ZNF646: variants seen among roughly 807,000 people sequenced by gnomAD.
ZNF646 encodes zinc finger protein 646.
ZNF646 carries 49 observed loss-of-function variants against 115.4 expected under a neutral mutation model. That is an observed-to-expected ratio of 0.42 (90% CI 0.34 to 0.54). ZNF646 has a LOEUF of 0.54. Among genes scored for constraint, ZNF646 ranks in the 20% least tolerant of loss-of-function variants. The pLI is 0.04. For synonymous variants in ZNF646, 933 were observed against 939.0 expected (o/e 0.99, Z 0.12); for missense variants, 2,269 against 2,457.9 (o/e 0.92, Z 1.62).
In ZNF646 at chr16:31,077,563, G is replaced by A. The variant is rs751786589; in HGVS notation, c.1239G>A (p.Ala413=). The change falls in exon 2 of 3, where the codon GCG becomes GCA. Residue 413 remains alanine, a synonymous_variant. Transcript: ENST00000300850. ...CSLCSKQLFN[A]AALKNHVRAH... The stretch of plus-strand genomic sequence containing the variant: ...TCTGTTCTAAGCAGCTGTTCAATGC[G>A]GCTGCCCTCAAAAACCATGTGCGGG... 1.4e-5 allele frequency: 22 copies of A among 1,613,048 alleles called. 1 individual carries two copies. The highest frequency in any genetic ancestry group is 5.5e-5 in the South Asian group (5 of 91,020).
Position 31,083,514 on chromosome 16 carries a change from G to C in ZNF646, c.*422G>C. The C allele has an allele frequency of 7.5e-7, 1 of 1,340,896 alleles. No individual in the cohort carries two copies. The highest frequency in any genetic ancestry group is 9.6e-7 in the Non-Finnish European group (1 of 1,042,656). 83.1% of individuals were successfully genotyped at this position (1,340,896 alleles called of 1,614,324 possible). On this transcript the variant is annotated 3_prime_UTR_variant, in exon 3 of 3. Transcript: ENST00000300850. ...CAAAAAAAGAAATTTTCAAAACAAC[G>C]TGGCTGGCGTGATTGTATCTGAAAG...
Position 31,077,032 on chromosome 16 carries a change from G to T in ZNF646, c.708G>T (p.Glu236Asp). ...CCCAGTCCCCTCCTGCTGAGGAGGA[G>T]CGGCGGTACAAATGTAGTCAGTGTG... ...EPTQSPPAEEERRYKCSQCGK... is the reference protein window; with the variant it reads ...EPTQSPPAEEDRRYKCSQCGK... Residue 236 changes from glutamate to aspartate, a missense_variant, in exon 2 of 3, where the codon GAG (glutamate) becomes GAT (aspartate). Glu to Asp is a conservative substitution (Grantham distance 45). Coordinates refer to ENST00000300850, the MANE Select transcript of ZNF646 (RefSeq NM_014699.4). 1 of 1,613,954 alleles carries T rather than the reference G, an allele frequency of 6.2e-7. No individual in the cohort carries two copies. The highest frequency in any genetic ancestry group is 8.5e-7 in the Non-Finnish European group (1 of 1,179,928).
rs2057135992 is a variant in ZNF646, at chr16:31,080,179, G to T, written c.3855G>T (p.Gly1285=). Residue 1285 remains glycine, a synonymous_variant, in exon 2 of 3, where the codon GGG becomes GGT. Transcript: ENST00000300850. ...AGCGGGTCCACATGGAACGGCGTGG[G>T]GGTGGGGGCACCCGAAAGGCGACTC... ...SHQRVHMERR[G]GGGTRKATRE... The T allele has an allele frequency of 1.2e-6, 2 of 1,610,274 alleles. No individual in the cohort carries two copies. The highest frequency in any genetic ancestry group is 1.7e-6 in the Non-Finnish European group (2 of 1,178,080).
At position 31,079,044 on chromosome 16, in the gene ZNF646, C is replaced by G. The variant is rs759337405; in HGVS notation, c.2720C>G (p.Ser907Cys). ...CACCGGCGCCAGGCCCACAGCTCCTCTGGCATGACTGAGGGCTCAGAGGAG... is the reference window on the plus strand; with the variant it reads ...CACCGGCGCCAGGCCCACAGCTCCTGTGGCATGACTGAGGGCTCAGAGGAG... ...RLHRRQAHSS[S>C]GMTEGSEEEG... is the part of the protein sequence containing the mutation. Residue 907 changes from serine (S) to cysteine (C), a missense_variant, in exon 2 of 3, where the codon TCT becomes TGT. Ser to Cys is a moderately radical substitution (Grantham distance 112, BLOSUM62 -1). Around this residue, in one of 5 missense-constraint regions of ZNF646, gnomAD observed 852 missense variants for 900.2 expected, o/e 0.95. Coordinates refer to ENST00000300850, the MANE Select transcript of ZNF646 (RefSeq NM_014699.4). This position sits in a 1 kb window ranked among gnomAD's most constrained non-coding sequence, Gnocchi z 5.5. 2 of 1,581,562 alleles carry G rather than the reference C, an allele frequency of 1.3e-6. No individual in the cohort carries two copies. The highest frequency in any genetic ancestry group is 2.3e-5 in the South Asian group (2 of 86,974).
rs746242764 is a variant in ZNF646, at chr16:31,081,095, G to A, written c.4771G>A (p.Gly1591Ser). The change falls in exon 2 of 3, where the codon GGC (glycine) becomes AGC (serine). Residue 1591 changes from glycine to serine, a missense_variant. Physicochemically the swap from Gly to Ser is moderately conservative, Grantham distance 56 (BLOSUM62 0). Coordinates refer to ENST00000300850, the MANE Select transcript of ZNF646 (RefSeq NM_014699.4). ...DAQTFACPDC[G>S]KAFESHQELA... is the part of the protein sequence containing the mutation. ...CCAGACCTTTGCCTGTCCTGACTGT[G>A]GCAAAGCCTTTGAGTCCCACCAGGA... The A allele has an allele frequency of 6.2e-7, 1 of 1,613,338 alleles. No individual in the cohort carries two copies. The highest frequency in any genetic ancestry group is 1.3e-5 in the African/African-American group (1 of 74,918).
At position 31,081,338 on chromosome 16, in the gene ZNF646, G is replaced by A. The variant is rs1452226697; in HGVS notation, c.5014G>A (p.Asp1672Asn). 2 of 1,613,990 alleles carry A rather than the reference G, an allele frequency of 1.2e-6. No homozygotes were observed. ...AGCGGTGACGTCCATGGCGGCTGAG[G>A]ACAAGGAGCGGCCCTTCCGCTGCAC... Reference protein sequence around the residue: ...GQAVTSMAAEDKERPFRCTQC... With the variant: ...GQAVTSMAAENKERPFRCTQC... The change falls in exon 2 of 3, where the codon GAC (aspartate) becomes AAC (asparagine). Residue 1672 changes from aspartate to asparagine, a missense_variant. Around this residue, in one of 5 missense-constraint regions of ZNF646, gnomAD observed 1,062 missense variants for 1,172.8 expected, o/e 0.91. Coordinates refer to ENST00000300850, the MANE Select transcript of ZNF646 (RefSeq NM_014699.4).
chr16:31,073,683 TGGCGTC>T (rs1183395274), upstream of ZNF646: 4 of 152,102 alleles, frequency 2.6e-5, no homozygotes, highest in African/African-American at 7.2e-5. Flanking sequence ...GCTGACTCCG[TGGCGTC>T]GGCGTCGGCT....
rs1567411199 is a variant in ZNF646, at chr16:31,080,517, G to A, written c.4193G>A (p.Gly1398Glu). 6.2e-7 allele frequency: 1 copy of A among 1,613,936 alleles called. No individual in the cohort carries two copies. Among genetic ancestry groups the A allele is most frequent in the African/African-American group, 1.3e-5 (1 of 74,952 alleles). Residue 1398 changes from glycine (G) to glutamate (E), a missense_variant, in exon 2 of 3, where the codon GGA (glycine) becomes GAA (glutamate). By Grantham distance (98) the Gly-to-Glu change is moderately conservative. This residue lies in a region of ZNF646 where 1,062 missense variants were observed against 1,172.8 expected (regional missense o/e 0.91). Coordinates refer to ENST00000300850, the MANE Select transcript of ZNF646 (RefSeq NM_014699.4). The stretch of plus-strand genomic sequence containing the variant: ...GAAAGGGAGCCAGCCAATGGCCAGG[G>A]AGGCCTGGATGGCACAGCGGCCAGT... Reference protein sequence around the residue: ...ETEREPANGQGGLDGTAASEA... With the variant: ...ETEREPANGQEGLDGTAASEA...
rs763822772 is a variant in ZNF646 at position 31,079,581 on chromosome 16, G to A, written c.3257G>A (p.Arg1086His). The stretch of plus-strand genomic sequence containing the variant: ...GACTTTCTCTGCCCTGTCTGCTCCC[G>A]CTGCTACCCCAACCTGGCTGCCTAC... ...TGDFLCPVCSRCYPNLAAYRN... is the reference protein window; with the variant it reads ...TGDFLCPVCSHCYPNLAAYRN... The change falls in exon 2 of 3, where the codon CGC becomes CAC. Residue 1086 changes from arginine (R) to histidine (H), a missense_variant. By Grantham distance (29) the Arg-to-His change is conservative (BLOSUM62 0). Around this residue, in one of 5 missense-constraint regions of ZNF646, gnomAD observed 1,062 missense variants for 1,172.8 expected, o/e 0.91. Transcript: ENST00000300850. This position sits in a 1 kb window ranked among gnomAD's most constrained non-coding sequence, Gnocchi z 5.5. 13 of 1,613,204 alleles carry A rather than the reference G, an allele frequency of 8.1e-6. No homozygotes were observed. Among genetic ancestry groups the A allele is most frequent in the East Asian group, 2.2e-5 (1 of 44,890 alleles).
chr16:31,084,110 G>A lies in ZNF646; in HGVS notation c.*1018G>A, dbSNP rs182194525. ...GCAGGGTTTGGCAGGAGGCCCCGGGGCCACATACTTATGTTGGCCAGGCAG... is the reference window on the plus strand; with the variant it reads ...GCAGGGTTTGGCAGGAGGCCCCGGGACCACATACTTATGTTGGCCAGGCAG... On this transcript the variant is annotated 3_prime_UTR_variant, in exon 3 of 3. Coordinates refer to ENST00000300850, the MANE Select transcript of ZNF646 (RefSeq NM_014699.4). 495 of 1,566,142 alleles carry A rather than the reference G, an allele frequency of 3.2e-4. 1 individual carries two copies. In the African/African-American group the frequency reaches 5.1e-3, roughly 16 times the overall value.
At position 31,078,370 on chromosome 16, in the gene ZNF646, C is replaced by T. The variant is rs149092345; in HGVS notation, c.2046C>T (p.Ser682=). Residue 682 remains serine, a synonymous_variant, in exon 2 of 3, where the codon AGC becomes AGT. Coordinates refer to ENST00000300850, the MANE Select transcript of ZNF646 (RefSeq NM_014699.4). ...RRHRKRAGGA[S]GGREAKLLAA... ...ATCGGAAGCGGGCTGGCGGTGCCAG[C>T]GGTGGGAGAGAAGCCAAACTCCTGG... The T allele has an allele frequency of 1.3e-3, 2,079 of 1,612,622 alleles. 4 individuals carry two copies. The highest frequency in any genetic ancestry group is 3.4e-3 in the South Asian group (308 of 91,008).
At position 31,083,461 on chromosome 16, in the gene ZNF646, GT is replaced by G; in HGVS notation, c.*372del. 7.6e-7 allele frequency: 1 copy of G among 1,309,472 alleles called. No individual in the cohort carries two copies. Among genetic ancestry groups the G allele is most frequent in the Non-Finnish European group, 9.8e-7 (1 of 1,021,094 alleles). The allele number at this position is 1,309,472 out of a possible 1,614,324, so 81.1% of individuals were successfully genotyped here. ...GTCTATTTTGTAACAATTTATTTAA[GT>G]TTAAAAAAAGGAAAACTGCTGCCCC... is the stretch of plus-strand genomic sequence containing the variant. On this transcript the variant is annotated 3_prime_UTR_variant, in exon 3 of 3. Transcript: ENST00000300850.
rs748799234 is a variant in ZNF646 at position 31,078,361 on chromosome 16, C to T, written c.2037C>T (p.Gly679=). Reference sequence around the variant, plus strand: ...GCAGGCGGCATCGGAAGCGGGCTGGCGGTGCCAGCGGTGGGAGAGAAGCCA... The same window carrying T: ...GCAGGCGGCATCGGAAGCGGGCTGGTGGTGCCAGCGGTGGGAGAGAAGCCA... ...RRSRRHRKRA[G]GASGGREAKL... Residue 679 remains glycine, a synonymous_variant, in exon 2 of 3, where the codon GGC becomes GGT. Transcript: ENST00000300850. The T allele has an allele frequency of 1.2e-5, 19 of 1,612,784 alleles. No individual in the cohort carries two copies. The highest frequency in any genetic ancestry group is 1.7e-4 in the Middle Eastern group (1 of 6,006).
chr16:31,078,872 T>C lies in ZNF646; in HGVS notation c.2548T>C (p.Cys850Arg), dbSNP rs768913492. Reference protein sequence around the residue: ...RPCHPPGIYQCSLCPKEFDSL... With the variant: ...RPCHPPGIYQRSLCPKEFDSL... ...CTGCCACCCACCAGGCATCTATCAG[T>C]GCTCCCTCTGCCCGAAGGAGTTTGA... The change falls in exon 2 of 3, where the codon TGC becomes CGC. Residue 850 changes from cysteine (C) to arginine (R), a missense_variant. Coordinates refer to ENST00000300850, the MANE Select transcript of ZNF646 (RefSeq NM_014699.4). The C allele has an allele frequency of 6.2e-7, 1 of 1,614,030 alleles. No homozygotes were observed. Among genetic ancestry groups the C allele is most frequent in the Non-Finnish European group, 8.5e-7 (1 of 1,180,028 alleles).
rs755714274 is a variant in ZNF646 at position 31,080,295 on chromosome 16, G to A, written c.3971G>A (p.Gly1324Asp). 2.7e-5 allele frequency: 43 copies of A among 1,613,098 alleles called. No individual in the cohort carries two copies. Among genetic ancestry groups the A allele is most frequent in the Admixed American group, 5.0e-5 (3 of 60,000 alleles). The change falls in exon 2 of 3, where the codon GGC becomes GAC. Residue 1324 changes from glycine (G) to aspartate (D), a missense_variant. Around this residue, in one of 5 missense-constraint regions of ZNF646, gnomAD observed 1,062 missense variants for 1,172.8 expected, o/e 0.91. Transcript: ENST00000300850. ...AACCACCGGCGCAGCCACGAGACGG[G>A]CCAGTACAGCTGCCCCACCTGCCCC... ...LLNHRRSHET[G>D]QYSCPTCPKT...
rs1199473390 is a variant in ZNF646 at position 31,080,395 on chromosome 16, ACGGTCCAGGCGCACAG to A, written c.4073_4088del (p.Arg1358LeufsTer48). 1 of 1,612,992 alleles carries A rather than the reference ACGGTCCAGGCGCACAG, an allele frequency of 6.2e-7. No homozygotes were observed. The highest frequency in any genetic ancestry group is 8.5e-7 in the Non-Finnish European group (1 of 1,179,842). On this transcript the variant is annotated frameshift_variant, in exon 2 of 3. Coordinates refer to ENST00000300850, the MANE Select transcript of ZNF646 (RefSeq NM_014699.4). LOFTEE classifies it high-confidence loss of function. ...CAGAGAATCGGCGGCGACGGGCTGG[ACGGTCCAGGCGCACAG>A]CTGTGCGTTGCGCCCTCTGTGGCCG...
Position 31,079,006 on chromosome 16 carries a change from T to A in ZNF646, c.2682T>A (p.Ala894=). The change falls in exon 2 of 3, where the codon GCT becomes GCA. Residue 894 remains alanine, a synonymous_variant. Transcript: ENST00000300850. The surrounding 1 kb of genome is among the most constrained non-coding windows in gnomAD (Gnocchi z 5.5). ...CLCGMIFPGR[A]GYRLHRRQAH... is the part of the protein sequence containing the mutation. ...GTGGCATGATCTTCCCTGGGCGGGC[T>A]GGCTACAGGCTTCACCGGCGCCAGG... The A allele has an allele frequency of 6.3e-7, 1 of 1,596,622 alleles. No individual in the cohort carries two copies. Among genetic ancestry groups the A allele is most frequent in the Non-Finnish European group, 8.5e-7 (1 of 1,169,650 alleles).
In ZNF646 at chr16:31,081,693, C is replaced by T. The variant is rs1016425348; in HGVS notation, c.5369C>T (p.Ala1790Val). 13 of 1,584,394 alleles carry T rather than the reference C, an allele frequency of 8.2e-6. No individual in the cohort carries two copies. The African/African-American group carries it at 1.2e-4, about 15-fold the overall frequency. The part of the protein sequence containing the change: ...QQQHQEEWTV[A>V]GSGAPVAPVT... ...CAGCACCAGGAGGAGTGGACGGTGG[C>T]CGGCTCCGGTAGGGGGCATGAAGGG... Residue 1790 changes from alanine (A) to valine (V), a missense_variant, in exon 2 of 3, where the codon GCC (alanine) becomes GTC (valine). By Grantham distance (64) the Ala-to-Val change is moderately conservative. Coordinates refer to ENST00000300850, the MANE Select transcript of ZNF646 (RefSeq NM_014699.4).
Position 31,080,716 on chromosome 16 carries a change from G to A in ZNF646, c.4392G>A (p.Gly1464=), listed in dbSNP as rs1209326556. ...PLSWGAGKAG[G]WPVGGGLGNH... ...CCTGGGGTGCAGGGAAGGCAGGTGG[G>A]TGGCCGGTAGGTGGGGGACTGGGGA... The change falls in exon 2 of 3, where the codon GGG becomes GGA. Residue 1464 remains glycine (G), a synonymous_variant. Transcript: ENST00000300850. 10 of 1,613,724 alleles carry A rather than the reference G, an allele frequency of 6.2e-6. No individual in the cohort carries two copies. The highest frequency in any genetic ancestry group is 8.5e-7 in the Non-Finnish European group (1 of 1,179,994).
Sources: gnomAD v4.1 joint callset for allele counts on GRCh38, gnomAD v4.1.1 for gene constraint, gnomAD v4.1.1 regional missense constraint, Gnocchi (gnomAD v3.1) non-coding constraint, MANE v1.5 for transcripts, NCBI Gene and HGNC (gene_info 2026-07-23, HGNC 2026-07-21) for gene names.